Variants in ZNF208 observed in about 807,000 individuals in gnomAD.
ZNF208 encodes zinc finger protein 95.
Under a neutral mutation model 12.1 loss-of-function variants are expected in ZNF208, and 10 were observed. The observed-to-expected ratio is 0.83, with a 90% CI of 0.51 to 1.40. The LOEUF (loss-of-function observed/expected upper bound fraction) is 1.40, where lower values mean the gene tolerates loss of function less well. Among genes scored for constraint, ZNF208 ranks in the 40% most tolerant of loss-of-function variants. ZNF208 has a pLI of 0.00. For synonymous variants in ZNF208, 497 were observed against 488.4 expected (o/e 1.02, Z -0.23); for missense variants, 1,652 against 1,485.0 (o/e 1.11, Z -1.85).
At chr19:21,957,171 C>T (rs1476529566) in intron 4 of ZNF208, among the ~76,000 whole-genome samples, 1 of 152,124 alleles carries the variant, frequency 6.6e-6, no homozygotes, top group African/African-American at 2.4e-5. Context: ...TCCAGAGTAG[C>T]TGGGACTACA....
intron 4 of ZNF208, among the ~76,000 whole-genome samples, chr19:21,943,537 T>C (rs1599599512): frequency 6.6e-6 from 1 of 152,196 alleles, no homozygotes; most frequent in East Asian, 1.9e-4. Flanking sequence ...GAATAATAAA[T>C]GTAAAAGTCT....
At chr19:21,958,857 C>T (rs543188516) in intron 4 of ZNF208, among the ~76,000 whole-genome samples, 2 of 152,184 alleles carry the variant, frequency 1.3e-5, no homozygotes, top group African/African-American at 4.8e-5. Flanking sequence ...GCTAGTTAGC[C>T]TAAGGTGGAC....
In ZNF208 at chr19:21,975,602, T is replaced by C. The variant is rs149561767; in HGVS notation, c.227-795A>G. On this transcript the variant is annotated intron_variant, in intron 3 of 3. Transcript: ENST00000397126. The stretch of plus-strand genomic sequence containing the variant: ...CTCAAAGATTAAAATCTATACAATA[T>C]AGGGCAATATAATTCCATCAAAAAT... Among the ~76,000 whole-genome samples, 6 of 152,000 alleles carry C rather than the reference T, an allele frequency of 3.9e-5. No individual in the cohort carries two copies. The East Asian group carries it at 1.2e-3, about 29-fold the overall frequency.
At chr19:21,944,474 CAAAA>C (rs1194748494) in intron 4 of ZNF208, among the ~76,000 whole-genome samples, 87 of 152,168 alleles carry the variant, frequency 5.7e-4, no homozygotes, top group African/African-American at 2.0e-3. Flanking sequence ...TTACATATGA[CAAAA>C]TATACCCACT....
chr19:21,957,246 G>T (rs1969991104), intron 4 of ZNF208, among the ~76,000 whole-genome samples: 1 of 152,098 alleles, frequency 6.6e-6, no homozygotes. Context: ...CACCATGTTG[G>T]CTAGGATGAT....
At chr19:21,963,758 A>G (rs190153591), downstream of ZNF208, among the ~76,000 whole-genome samples, 6 of 152,120 alleles carry the variant, frequency 3.9e-5, no homozygotes, top group East Asian at 1.2e-3. Flanking sequence ...CTCTAAATTG[A>G]GAGACTAGAT....
chr19:21,958,569 T>A (rs1970014723), intron 4 of ZNF208, among the ~76,000 whole-genome samples: 1 of 152,284 alleles, frequency 6.6e-6, no homozygotes, highest in East Asian at 1.9e-4. Context: ...CTCAACCTTT[T>A]TAGGTGTTTC....
chr19:21,977,450 C>T (rs188424841), intron 3 of ZNF208, among the ~76,000 whole-genome samples: 14 of 152,264 alleles, frequency 9.2e-5, no homozygotes, highest in African/African-American at 3.1e-4. Context: ...GGTGGGATGT[C>T]GTCTCCCCTG....
At chr19:21,943,407 G>C (rs1273680237) in intron 4 of ZNF208, among the ~76,000 whole-genome samples, 1 of 152,224 alleles carries the variant, frequency 6.6e-6, no homozygotes, top group East Asian at 1.9e-4. Flanking sequence ...GGGAGAGTAT[G>C]AAACAGACCA....
downstream of ZNF208, among the ~76,000 whole-genome samples, chr19:21,965,262 G>A (rs577622968): frequency 8.6e-5 from 13 of 151,996 alleles, no homozygotes; most frequent in East Asian, 3.9e-4. Flanking sequence ...TATCACTTTC[G>A]TTTTGTCAGT....
At chr19:21,984,009 C>T (rs1373142365) in intron 3 of ZNF208, among the ~76,000 whole-genome samples, 1 of 151,590 alleles carries the variant, frequency 6.6e-6, no homozygotes, top group Non-Finnish European at 1.5e-5. Flanking sequence ...TTTAAAAAAA[C>T]AGAATATTAA....
chr19:21,948,635 A>G (rs1322609735), intron 4 of ZNF208, among the ~76,000 whole-genome samples: 1 of 152,218 alleles, frequency 6.6e-6, no homozygotes, highest in African/African-American at 2.4e-5. Context: ...CCTTAAGAAA[A>G]TAAAGTGAGC....
chr19:21,960,602 T>C (rs999105945), intron 4 of ZNF208, among the ~76,000 whole-genome samples: 3 of 152,186 alleles, frequency 2.0e-5, no homozygotes, highest in African/African-American at 7.2e-5. Context: ...TGCTGAAGTT[T>C]GAGCGTCACT....
At chr19:21,988,983 A>G in intron 1 of ZNF208, 74 bp from the exon 2 acceptor site, 2 of 1,574,340 alleles carry the variant, frequency 1.3e-6, no homozygotes. Context: ...GGTAAAATGC[A>G]GAGAGTAAAG....
At position 21,968,546 on chromosome 19, in the gene ZNF208, T is replaced by A. The variant is rs2145539623; in HGVS notation, c.*2645A>T. 6.6e-6 allele frequency: 1 copy of A among 152,272 alleles called. No homozygotes were observed. The allele number at this position is 152,272 out of a possible 1,614,324, so 9.4% of individuals were successfully genotyped here. A position where few individuals can be genotyped will look rare whatever the true frequency, so the allele number is the denominator to read the frequency against. Reference sequence around the variant, plus strand: ...ATATATATGGAAAAGCTCACATTAATGTAGCAAAATAACTTTCTGATTTGC... The same window carrying A: ...ATATATATGGAAAAGCTCACATTAAAGTAGCAAAATAACTTTCTGATTTGC... On this transcript the variant is annotated 3_prime_UTR_variant, in exon 4 of 4. Coordinates refer to ENST00000397126, the MANE Select transcript of ZNF208 (RefSeq NM_007153.3).
intron 2 of ZNF208, among the ~76,000 whole-genome samples, chr19:21,987,950 T>C (rs1970655968): frequency 6.6e-6 from 1 of 152,098 alleles, no homozygotes; most frequent in Non-Finnish European, 1.5e-5. Flanking sequence ...TCTTAACCTG[T>C]CTCTTCTCAT....
rs562261481 is a variant in ZNF208 at position 21,978,408 on chromosome 19, C to T, written c.227-3601G>A. Among the ~76,000 whole-genome samples, 43 of 152,306 alleles carry T rather than the reference C, an allele frequency of 2.8e-4. 1 individual carries two copies. The South Asian group carries it at 7.7e-3, about 27-fold the overall frequency. ...GCAATCTTTGCTGTTCTGCAGCCTC[C>T]GCTGGTGATACCCAGGCAAACAGGG... On this transcript the variant is annotated intron_variant, in intron 3 of 3. Coordinates refer to ENST00000397126, the MANE Select transcript of ZNF208 (RefSeq NM_007153.3).
rs1205386945 is a variant in ZNF208 at position 21,973,811 on chromosome 19, A to G, written c.1223T>C (p.Met408Thr). 1 of 1,600,888 alleles carries G rather than the reference A, an allele frequency of 6.2e-7. No homozygotes were observed. The highest frequency in any genetic ancestry group is 1.4e-5 in the African/African-American group (1 of 73,104). Residue 408 changes from methionine (M) to threonine (T), a missense_variant, in exon 4 of 4, where the codon ATG becomes ACG. By Grantham distance (81) the Met-to-Thr change is moderately conservative (BLOSUM62 -1). Around this residue, in one of 3 missense-constraint regions of ZNF208, gnomAD observed 1,239 missense variants for 1,086.2 expected, o/e 1.14. Transcript: ENST00000397126. ...CTCATGTTTAGTAAGGATTGAGAACATACTAAAACCTTTGCCACATTCTTC... is the reference window on the plus strand; with the variant it reads ...CTCATGTTTAGTAAGGATTGAGAACGTACTAAAACCTTTGCCACATTCTTC... ...KCEECGKGFS[M>T]FSILTKHEVI... is the part of the protein sequence containing the mutation.
intron 1 of ZNF208, among the ~76,000 whole-genome samples, chr19:22,007,709 A>C (rs1446180079): frequency 4.0e-5 from 6 of 151,832 alleles, no homozygotes; most frequent in African/African-American, 1.5e-4. Flanking sequence ...CAGTTAAAAA[A>C]CTGAGGTCAG....
Sources: gnomAD v4.1 joint callset for allele counts (sites outside exome capture counted in the v4.1 genomes callset) on GRCh38, gnomAD v4.1.1 for gene constraint, gnomAD v4.1.1 regional missense constraint, MANE v1.5 for transcripts, NCBI Gene and HGNC (gene_info 2026-07-23, HGNC 2026-07-21) for gene names.